The following PUDP variants were observed in gnomAD, a reference collection of about 807,000 sequenced individuals.
PUDP encodes the protein pseudouridine-5'-phosphatase.
In PUDP, 8 loss-of-function variants were observed where a neutral mutation model predicts 9.4. The ratio of observed to expected loss-of-function variants is 0.85; its 90% CI spans 0.50 to 1.53. The LOEUF (loss-of-function observed/expected upper bound fraction) is 1.53. Among genes scored for constraint, PUDP ranks in the 40% most tolerant of loss-of-function variants. The pLI, the probability that PUDP is intolerant of heterozygous loss-of-function variation, is 0.00. For missense variants in PUDP, 188 were observed against 189.7 expected, an observed-to-expected ratio of 0.99 and a Z score of 0.05; for synonymous variants, 99 against 80.7, an observed-to-expected ratio of 1.23 and a Z score of -1.22.
chrX:6,775,545 T>C (rs1380879459), intron 3 of PUDP, among the ~76,000 whole-genome samples: 13 of 109,939 alleles, frequency 1.2e-4, no homozygotes, highest in Non-Finnish European at 1.7e-4. Flanking sequence ...ATATAAAATA[T>C]GCCTAGGAGT....
chrX:7,040,467 A>G (rs776003052), intron 1 of PUDP, among the ~76,000 whole-genome samples: 1 of 110,765 alleles, frequency 9.0e-6, no homozygotes, highest in East Asian at 2.9e-4. Context: ...GACAAAAAAC[A>G]GTCACAGTGA....
chrX:6,992,681 G>C (rs1279219232), intron 1 of PUDP, among the ~76,000 whole-genome samples: 2 of 111,189 alleles, frequency 1.8e-5, no homozygotes, highest in African/African-American at 6.5e-5. Context: ...ACTCAACAGC[G>C]TAAGAACTTG....
chrX:6,728,784 G>C (rs1459935689), intron 3 of PUDP, among the ~76,000 whole-genome samples: 1 of 111,621 alleles, frequency 9.0e-6, no homozygotes, highest in Non-Finnish European at 1.9e-5. Context: ...GTAAACTCCA[G>C]ACATTATTCC....
At chrX:6,778,203 C>T (rs1054926591) in intron 3 of PUDP, among the ~76,000 whole-genome samples, 1 of 111,782 alleles carries the variant, frequency 8.9e-6, no homozygotes, top group African/African-American at 3.2e-5. Flanking sequence ...GGCCCCCTTA[C>T]GTCCCTGAAA....
intron 1 of PUDP, among the ~76,000 whole-genome samples, chrX:7,032,011 G>A (rs1411781954): frequency 1.8e-5 from 2 of 111,622 alleles, no homozygotes; most frequent in African/African-American, 3.2e-5. Context: ...AATATGTAAA[G>A]GAATTCTAAA....
intron 3 of PUDP, among the ~76,000 whole-genome samples, chrX:6,809,824 C>T (rs1247273765): frequency 9.0e-6 from 1 of 111,363 alleles, no homozygotes; most frequent in Non-Finnish European, 1.9e-5. Context: ...ATGAGACACA[C>T]ATCCCTATAC....
intron 3 of PUDP, among the ~76,000 whole-genome samples, chrX:6,873,798 G>T (rs1450499135): frequency 8.9e-6 from 1 of 111,738 alleles, no homozygotes; most frequent in Non-Finnish European, 1.9e-5. Context: ...ACATCAAATT[G>T]CATTATATGC....
chrX:6,901,709 T>C lies in PUDP; in HGVS notation c.*247+75424A>G, dbSNP rs767230600. On this transcript the variant is annotated intron_variant and NMD_transcript_variant, in intron 3 of 3. Coordinates refer to the PUDP transcript ENST00000655425. ...ATGCATCACTCTATCTAAATAACTA[T>C]ATCTAAATATAAGAGGAAACGGTAT... Among the ~76,000 whole-genome samples, 185 of 112,657 alleles carry C rather than the reference T, an allele frequency of 1.6e-3. 4 individuals are homozygous for C. The highest frequency in any genetic ancestry group is 3.4e-4 in the Non-Finnish European group (18 of 53,332).
At chrX:7,114,608 C>T (rs1304394400) in intron 1 of PUDP, among the ~76,000 whole-genome samples, 1 of 111,410 alleles carries the variant, frequency 9.0e-6, no homozygotes, top group East Asian at 2.8e-4. Flanking sequence ...GCAGGCCCTA[C>T]CCCAGATCTA....
chrX:7,038,494 T>G (rs1258855858), intron 1 of PUDP, among the ~76,000 whole-genome samples: 1 of 112,164 alleles, frequency 8.9e-6, no homozygotes, highest in African/African-American at 3.2e-5. Flanking sequence ...TTAGGTGAAG[T>G]GTGTAGATTT....
At chrX:6,984,123 G>T (rs928365100) in intron 1 of PUDP, among the ~76,000 whole-genome samples, 1 of 112,158 alleles carries the variant, frequency 8.9e-6, no homozygotes, top group African/African-American at 3.2e-5. Flanking sequence ...TTTCACTGTC[G>T]TAATTTTCTC....
intron 3 of PUDP, among the ~76,000 whole-genome samples, chrX:6,728,567 G>T (rs1019513009): frequency 3.6e-5 from 4 of 111,683 alleles, no homozygotes; most frequent in African/African-American, 1.3e-4. Flanking sequence ...GAGAAAACCA[G>T]GGCACAAAGG....
intron 1 of PUDP, among the ~76,000 whole-genome samples, chrX:7,106,393 G>A (rs1931883899): frequency 8.9e-6 from 1 of 112,206 alleles, no homozygotes; most frequent in African/African-American, 3.2e-5. Flanking sequence ...ATTAACTCCC[G>A]GCTCGGCACT....
At chrX:7,015,220 C>T (rs189352979) in intron 1 of PUDP, among the ~76,000 whole-genome samples, 1 of 111,879 alleles carries the variant, frequency 8.9e-6, no homozygotes, top group Admixed American at 9.4e-5. Context: ...GACATGAGAG[C>T]CTTTAGAATG....
intron 1 of PUDP, among the ~76,000 whole-genome samples, chrX:7,128,791 C>T (rs1345704650): frequency 2.7e-5 from 3 of 112,070 alleles, no homozygotes; most frequent in Non-Finnish European, 5.6e-5. Flanking sequence ...ATCTTACATT[C>T]TGTGTTTACA....
chrX:6,824,749 G>A (rs1926398988), intron 3 of PUDP, among the ~76,000 whole-genome samples: 1 of 112,080 alleles, frequency 8.9e-6, no homozygotes, highest in South Asian at 3.7e-4. Flanking sequence ...TAATCAATCT[G>A]CCTCATGTCA....
intron 3 of PUDP, among the ~76,000 whole-genome samples, chrX:6,969,238 A>G (rs1335601927): frequency 8.9e-6 from 1 of 112,059 alleles, no homozygotes; most frequent in Non-Finnish European, 1.9e-5. Context: ...AAAAACATCT[A>G]TCTGCTCTTA....
intron 3 of PUDP, among the ~76,000 whole-genome samples, chrX:6,753,416 T>G (rs1460812246): frequency 8.9e-6 from 1 of 112,201 alleles, no homozygotes; most frequent in East Asian, 2.8e-4. Context: ...AATTGCAAAT[T>G]GTGCTGCTAT....
chrX:7,120,396 G>A (rs1396777728), intron 1 of PUDP, among the ~76,000 whole-genome samples: 2 of 110,885 alleles, frequency 1.8e-5, no homozygotes, highest in African/African-American at 6.6e-5. Flanking sequence ...TCTAGGAGCT[G>A]GAGAGGCAAG....
Sources: gnomAD v4.1 joint callset for allele counts (sites outside exome capture counted in the v4.1 genomes callset) on GRCh38, gnomAD v4.1.1 for gene constraint, MANE v1.5 for transcripts, NCBI Gene and HGNC (gene_info 2026-07-23, HGNC 2026-07-21) for gene names.